The following CAMK2B variants were observed in gnomAD, a reference collection of about 807,000 sequenced individuals.
CAMK2B encodes the protein calcium/calmodulin-dependent protein kinase type II subunit beta.
Under a neutral mutation model 93.7 loss-of-function variants are expected in CAMK2B, and 27 were observed. That is an observed-to-expected ratio of 0.29 (90% confidence interval 0.21 to 0.40). The LOEUF (loss-of-function observed/expected upper bound fraction) is 0.40, where lower values mean the gene tolerates loss of function less well. Among genes scored for constraint, CAMK2B ranks in the 10% least tolerant of loss-of-function variants. The pLI, the probability that CAMK2B is intolerant of heterozygous loss-of-function variation, is 1.00. For synonymous variants in CAMK2B, 374 were observed against 358.8 expected (o/e 1.04, Z -0.48); for missense variants, 568 against 895.8 (o/e 0.63, Z 4.67).
At chr7:44,267,568 G>C (rs2096931463) in intron 2 of CAMK2B, among the ~76,000 whole-genome samples, 1 of 152,152 alleles carries the variant, frequency 6.6e-6, no homozygotes, top group South Asian at 2.1e-4. Flanking sequence ...TAAGCCAGAA[G>C]GTGACTGGCC....
intron 19 of CAMK2B, among the ~76,000 whole-genome samples, chr7:44,227,620 T>G (rs1470707349): frequency 4.7e-4 from 1 of 2,140 alleles, no homozygotes; most frequent in Non-Finnish European, 7.4e-4. Context: ...ACAGAGGGAG[T>G]GTGGGGGACA....
At chr7:44,317,172 G>C (rs1378467568) in intron 1 of CAMK2B, among the ~76,000 whole-genome samples, 1 of 150,822 alleles carries the variant, frequency 6.6e-6, no homozygotes, top group Non-Finnish European at 1.5e-5. Flanking sequence ...AAGTCTTCAG[G>C]AGAGCAAAAG....
intron 6 of CAMK2B, among the ~76,000 whole-genome samples, chr7:44,244,642 A>G (rs956613498): frequency 6.6e-6 from 1 of 151,870 alleles, no homozygotes; most frequent in African/African-American, 2.4e-5. Context: ...AGACCACTCC[A>G]CCCACTTTTA....
intron 20 of CAMK2B, among the ~76,000 whole-genome samples, chr7:44,223,721 T>G (rs2096441213): frequency 6.6e-6 from 1 of 151,880 alleles, no homozygotes; most frequent in Non-Finnish European, 1.5e-5. Flanking sequence ...AGGTCTGACC[T>G]CTCTTCCACC....
At chr7:44,324,599 T>G (rs1433409480) in intron 1 of CAMK2B, among the ~76,000 whole-genome samples, 1 of 152,118 alleles carries the variant, frequency 6.6e-6, no homozygotes, top group Non-Finnish European at 1.5e-5. Flanking sequence ...TCAAAGCCCC[T>G]TCCCCTTTAG....
chr7:44,265,245 G>C (rs1400727582), intron 2 of CAMK2B, among the ~76,000 whole-genome samples: 1 of 152,200 alleles, frequency 6.6e-6, no homozygotes, highest in Non-Finnish European at 1.5e-5. Flanking sequence ...ACTCAGGTGC[G>C]TCTCATAAGG....
intron 15 of CAMK2B, 24 bp from the exon 16 acceptor site, chr7:44,232,890 G>C: frequency 6.2e-7 from 1 of 1,609,944 alleles, no homozygotes; most frequent in East Asian, 2.2e-5. Context: ...AAGACACAGA[G>C]GAAGGAAAGA....
chr7:44,234,786 G>T, intron 13 of CAMK2B, 110 bp from the exon 14 acceptor site: 1 of 1,194,930 alleles, frequency 8.4e-7, no homozygotes, highest in South Asian at 1.3e-5. Flanking sequence ...CAAGCCCAGG[G>T]TCCTGAGGCA....
chr7:44,317,753 T>C lies in CAMK2B; in HGVS notation c.65+7604A>G, dbSNP rs988905309. ...GCAGCTCTCGACAACTTGGATGGGG[T>C]GGGCGGTGGGGTAGTAATGTCATTG... On this transcript the variant is annotated intron_variant, in intron 1 of 23. Transcript: ENST00000395749. Among the ~76,000 whole-genome samples, 8 of 151,998 alleles carry C rather than the reference T, an allele frequency of 5.3e-5. No homozygotes were observed. The East Asian group carries it at 1.3e-3, about 26-fold the overall frequency.
intron 2 of CAMK2B, among the ~76,000 whole-genome samples, chr7:44,272,531 C>T (rs1323463222): frequency 1.3e-5 from 2 of 152,226 alleles, no homozygotes; most frequent in Admixed American, 6.5e-5. Flanking sequence ...GCAGCTCCAC[C>T]ACCCGCAAGA....
At chr7:44,219,708 C>T (rs1391701700) in intron 23 of CAMK2B, 186 bp from the exon 24 acceptor site, 2 of 354,040 alleles carry the variant, frequency 5.6e-6, no homozygotes, top group South Asian at 4.7e-5. Context: ...GGGCCCGCTG[C>T]ACCCACCACC....
intron 10 of CAMK2B, 44 bp from the exon 11 acceptor site, chr7:44,241,827 C>G: frequency 6.6e-7 from 1 of 1,520,126 alleles, no homozygotes; most frequent in Non-Finnish European, 9.1e-7. Flanking sequence ...GCCCGAGGCA[C>G]AGGGGAGAGG....
intron 16 of CAMK2B, 100 bp from the exon 17 acceptor site, chr7:44,231,154 C>G: frequency 1.2e-6 from 1 of 842,648 alleles, no homozygotes; most frequent in Non-Finnish European, 1.9e-6. Flanking sequence ...CAGGACCAGC[C>G]CAGGCTCTGA....
chr7:44,227,998 C>T (rs763974643), intron 19 of CAMK2B, among the ~76,000 whole-genome samples: 11 of 151,178 alleles, frequency 7.3e-5, no homozygotes, highest in African/African-American at 1.7e-4. Flanking sequence ...CTGCGGACAG[C>T]GTGGTGCGTG....
Position 44,312,886 on chromosome 7 carries a change from AG to A in CAMK2B, c.65+12470del, listed in dbSNP as rs1793920490. Among the ~76,000 whole-genome samples, 1 of 152,110 alleles carries A rather than the reference AG, an allele frequency of 6.6e-6. No individual in the cohort carries two copies. Among genetic ancestry groups the A allele is most frequent in the Non-Finnish European group, 1.5e-5 (1 of 68,020 alleles). On this transcript the variant is annotated intron_variant, in intron 1 of 23. Coordinates refer to ENST00000395749, the MANE Select transcript of CAMK2B (RefSeq NM_001220.5). The surrounding 1 kb of genome is among the most constrained non-coding windows in gnomAD (Gnocchi z 4.1). ...GCTTTTCTCAGGGTTTTTGACTGGG[AG>A]GGGTGTTCTCCGTCAGTCCCTGGGG...
intron 2 of CAMK2B, among the ~76,000 whole-genome samples, chr7:44,273,639 C>T (rs910201792): frequency 2.0e-5 from 3 of 152,184 alleles, no homozygotes; most frequent in South Asian, 2.1e-4. Context: ...CGGAGACAGC[C>T]GGGACACTGG....
In CAMK2B at chr7:44,284,182, C is replaced by T. The variant is rs534044589; in HGVS notation, c.109G>A (p.Gly37Ser). Residue 37 changes from glycine to serine, a missense_variant, in exon 2 of 24, where the codon GGC (glycine) becomes AGC (serine). Transcript: ENST00000395749. ...ATGATCTTGGCTGCATACTCATGGC[C>T]GGTGCAGAGCTTGACACAGCGTCGG... is the stretch of plus-strand genomic sequence containing the variant. ...VVRRCVKLCT[G>S]HEYAAKIINT... 9.9e-6 allele frequency: 16 copies of T among 1,613,884 alleles called. No individual in the cohort carries two copies. Among genetic ancestry groups the T allele is most frequent in the East Asian group, 2.2e-5 (1 of 44,888 alleles).
chr7:44,252,529 C>G (rs1425717183), intron 5 of CAMK2B, among the ~76,000 whole-genome samples: 4 of 18,852 alleles, frequency 2.1e-4, no homozygotes, highest in African/African-American at 4.2e-4. Flanking sequence ...TGATGGGGCA[C>G]GGGCAGGGGG....
At chr7:44,300,929 C>T (rs113987031) in intron 1 of CAMK2B, among the ~76,000 whole-genome samples, 17 of 152,174 alleles carry the variant, frequency 1.1e-4, no homozygotes, top group East Asian at 3.9e-4. Flanking sequence ...ATATAAAGTA[C>T]GCTCTCAGAC....
Sources: gnomAD v4.1 joint callset for allele counts (sites outside exome capture counted in the v4.1 genomes callset) on GRCh38, gnomAD v4.1.1 for gene constraint, Gnocchi (gnomAD v3.1) non-coding constraint, MANE v1.5 for transcripts, NCBI Gene and HGNC (gene_info 2026-07-23, HGNC 2026-07-21) for gene names.